The following ARL17A variants were observed in gnomAD, a reference collection of about 807,000 sequenced individuals.
ARL17A encodes ARF like GTPase 17A, also known as ADP-ribosylation factor-like 17-like.
chr17:46,502,727 G>GT, the ARL17A span, among the ~76,000 whole-genome samples: 3 of 151,222 alleles, frequency 2.0e-5, no homozygotes, highest in Non-Finnish European at 1.5e-5. Flanking sequence ...AGGGTTTTTT[G>GT]TTTTTGTTTT....
intron 3 of ARL17A, among the ~76,000 whole-genome samples, chr17:46,558,553 ATT>A (rs58227880): frequency 0.014 from 1,377 of 99,968 alleles, 12 homozygotes; most frequent in Admixed American, 0.018. Flanking sequence ...TGCCCGGCCA[ATT>A]TTTTTTTTTT....
downstream of ARL17A, among the ~76,000 whole-genome samples, chr17:46,525,618 A>ATAG (rs2052627440): frequency 1.0e-5 from 1 of 98,576 alleles, no homozygotes; most frequent in Non-Finnish European, 2.3e-5. Flanking sequence ...AATAATAATC[A>ATAG]TCATCATCAT....
At chr17:46,558,415 C>T (rs569425270) in intron 3 of ARL17A, among the ~76,000 whole-genome samples, 2 of 109,030 alleles carry the variant, frequency 1.8e-5, no homozygotes, top group Admixed American at 1.9e-4. Context: ...TTTTTGGAGA[C>T]AGTCTCTGTC....
chr17:46,539,768 C>CAAAAAAAAAAAAAAACAAAAAAAAAAAAA (rs2054949653), intron 3 of ARL17A, among the ~76,000 whole-genome samples: 1 of 67,036 alleles, frequency 1.5e-5, no homozygotes, highest in African/African-American at 7.4e-5. Context: ...GACTCCATCT[C>CAAAAAAAAAAAAAAACAAAAAAAAAAAAA]AAAAAAAAAA....
rs1038187511 is a variant in ARL17A, at chr17:46,540,407, G to A, written c.260-1981C>T. Among the ~76,000 whole-genome samples, 9 of 125,180 alleles carry A rather than the reference G, an allele frequency of 7.2e-5. 2 individuals are homozygous for A. The highest frequency in any genetic ancestry group is 3.0e-4 in the African/African-American group (9 of 29,888). The allele number at this position is 125,180 out of a possible 152,430, so 82.1% of individuals were successfully genotyped here. A position where few individuals can be genotyped will look rare whatever the true frequency, so the allele number is the denominator to read the frequency against. On this transcript the variant is annotated intron_variant, in intron 3 of 4. Transcript: ENST00000329240. ...TGGCGAAGAAAAAAACTAAGAGGAT[G>A]TATAATGGTCAAGACAGCCAGCAGG...
downstream of ARL17A, among the ~76,000 whole-genome samples, chr17:46,525,614 A>AATCATC (rs745821194): frequency 2.1e-4 from 24 of 114,504 alleles, no homozygotes; most frequent in African/African-American, 6.4e-4. Flanking sequence ...TAATAATAAT[A>AATCATC]ATCATCATCA....
chr17:46,557,518 G>GA lies in ARL17A; in HGVS notation c.371dup (p.Leu125ProfsTer4). 1 of 433,772 alleles carries GA rather than the reference G, an allele frequency of 2.3e-6. No homozygotes were observed. The highest frequency in any genetic ancestry group is 6.1e-5 in the African/African-American group (1 of 16,396). The allele number at this position is 433,772 out of a possible 1,614,324, so 26.9% of individuals were successfully genotyped here. A position where few individuals can be genotyped will look rare whatever the true frequency, so the allele number is the denominator to read the frequency against. On this transcript the variant is annotated frameshift_variant, in exon 4 of 4. Coordinates refer to ENST00000336125, the MANE Select transcript of ARL17A (RefSeq NM_001113738.2). LOFTEE classifies it high-confidence loss of function. ...CTGCACACCTGCTGCTATGGGGGAG[G>GA]AAAGGATGACTTCTACCTCCTTTCC...
chr17:46,543,108 G>C (rs1174000921), intron 3 of ARL17A, among the ~76,000 whole-genome samples: 2 of 149,840 alleles, frequency 1.3e-5, no homozygotes, highest in African/African-American at 2.5e-5. Flanking sequence ...CTTTTTTCTT[G>C]ACCATTATTG....
chr17:46,552,985 GT>G lies in ARL17A; in HGVS notation c.*4370del, dbSNP rs1185195421. Among the ~76,000 whole-genome samples, 2 of 141,050 alleles carry G rather than the reference GT, an allele frequency of 1.4e-5. No homozygotes were observed. The highest frequency in any genetic ancestry group is 5.8e-5 in the African/African-American group (2 of 34,274). 92.5% of individuals were successfully genotyped at this position (141,050 alleles called of 152,430 possible). ...TGGGCGGATCACTGGAGCCCAGGAG[GT>G]TGAGGCTACAGTGAGCTGTGATCGT... On this transcript the variant is annotated 3_prime_UTR_variant, in exon 4 of 4. Transcript: ENST00000336125.
intron 4 of ARL17A, among the ~76,000 whole-genome samples, chr17:46,533,503 T>C (rs1410068273): frequency 4.1e-5 from 6 of 147,080 alleles, no homozygotes; most frequent in Admixed American, 6.6e-5. Flanking sequence ...TTTCTTTTTT[T>C]TTTTTTTCTT....
At chr17:46,501,530 G>A in the ARL17A span, among the ~76,000 whole-genome samples, 9 of 151,316 alleles carry the variant, frequency 5.9e-5, no homozygotes, top group African/African-American at 1.7e-4. Flanking sequence ...GTCGTCTGCC[G>A]GCTGTTATAT....
chr17:46,572,975 G>A (rs1598618680), intron 2 of ARL17A, among the ~76,000 whole-genome samples: 1 of 17,210 alleles, frequency 5.8e-5, no homozygotes, highest in Non-Finnish European at 3.9e-4. Context: ...ACAGAAAAGG[G>A]AGGGAGGGAG....
intron 3 of ARL17A, among the ~76,000 whole-genome samples, chr17:46,557,965 C>T (rs1238675302): frequency 2.3e-5 from 3 of 129,320 alleles, no homozygotes; most frequent in East Asian, 6.1e-4. Flanking sequence ...GAAAGCTGAG[C>T]GGTCTGCAGG....
intron 3 of ARL17A, among the ~76,000 whole-genome samples, chr17:46,543,239 AAAGT>A (rs1257323664): frequency 2.0e-5 from 3 of 150,668 alleles, no homozygotes; most frequent in Non-Finnish European, 4.4e-5. Context: ...ATTTATGTAC[AAAGT>A]AAGTAGGCCA....
At chr17:46,533,611 A>C (rs2054076864) in intron 4 of ARL17A, among the ~76,000 whole-genome samples, 1 of 92,350 alleles carries the variant, frequency 1.1e-5, no homozygotes, top group Non-Finnish European at 1.9e-5. Flanking sequence ...AAGCGATTCT[A>C]GTGCCTCAGC....
At chr17:46,545,433 CAAAATA>C (rs1482877993) in intron 3 of ARL17A, among the ~76,000 whole-genome samples, 17 of 101,186 alleles carry the variant, frequency 1.7e-4, no homozygotes, top group East Asian at 1.4e-3. Context: ...GCCTGGGTGA[CAAAATA>C]AAAATAAAAA....
intron 2 of ARL17A, among the ~76,000 whole-genome samples, chr17:46,575,308 AG>A (rs2057765424): frequency 6.7e-6 from 1 of 150,256 alleles, no homozygotes; most frequent in African/African-American, 2.5e-5. Context: ...GCTGGTTCAC[AG>A]TAAGAGCAGT....
intron 3 of ARL17A, among the ~76,000 whole-genome samples, chr17:46,558,387 G>A (rs2057401034): frequency 9.4e-6 from 1 of 106,790 alleles, no homozygotes; most frequent in South Asian, 2.9e-4. Context: ...TTTTTTTTGT[G>A]TTTTGTTTGT....
intron 4 of ARL17A, among the ~76,000 whole-genome samples, chr17:46,529,177 G>A (rs1319357941): frequency 7.3e-6 from 1 of 137,174 alleles, no homozygotes. Context: ...ATCTGGACCT[G>A]TACAGAAGAA....
Sources: allele counts gnomAD v4.1 joint callset (sites outside exome capture counted in the v4.1 genomes callset), GRCh38; gene constraint gnomAD v4.1.1; transcripts MANE v1.5; gene names NCBI Gene and HGNC (gene_info 2026-07-23, HGNC 2026-07-21).